The following ATP8A2 variants were observed in gnomAD, a reference collection of about 807,000 sequenced individuals.
The protein encoded by ATP8A2 is ATPase phospholipid transporting 8A2.
ATP8A2 carries 100 observed loss-of-function variants against 165.6 expected under a neutral mutation model. The ratio of observed to expected loss-of-function variants is 0.60; its 90% CI spans 0.51 to 0.71. The LOEUF (loss-of-function observed/expected upper bound fraction) is 0.71. Among genes scored for constraint, ATP8A2 ranks in the 30% least tolerant of loss-of-function variants. The probability of loss-of-function intolerance (pLI) is 0.00; values close to 1 mark genes in which losing one functional copy is unlikely to be tolerated. For missense variants in ATP8A2, 1,227 were observed against 1,479.5 expected (o/e 0.83, Z 2.80); for synonymous variants, 543 against 548.8 (o/e 0.99, Z 0.15).
At chr13:25,716,598 T>G (rs1402589093) in intron 25 of ATP8A2, among the ~76,000 whole-genome samples, 1 of 152,230 alleles carries the variant, frequency 6.6e-6, no homozygotes, top group African/African-American at 2.4e-5. Flanking sequence ...TGAGTGGTCT[T>G]GGCCAGATGT....
intron 24 of ATP8A2, among the ~76,000 whole-genome samples, chr13:25,596,017 A>G (rs1016300049): frequency 6.6e-6 from 1 of 152,184 alleles, no homozygotes; most frequent in Non-Finnish European, 1.5e-5. Context: ...TACAACCCAC[A>G]GAATTAACTT....
At position 26,021,541 on chromosome 13, in the gene ATP8A2, A is replaced by T. The variant is rs1212114195; in HGVS notation, c.*1556A>T. 6.6e-6 allele frequency: 1 copy of T among 152,266 alleles called. No individual in the cohort carries two copies. Among genetic ancestry groups the T allele is most frequent in the Non-Finnish European group, 1.5e-5 (1 of 68,074 alleles). 9.4% of individuals were successfully genotyped at this position (152,266 alleles called of 1,614,324 possible). A position where few individuals can be genotyped will look rare whatever the true frequency, so the allele number is the denominator to read the frequency against. ...CTGACTTTCCCAACTGCAGAGTCCC[A>T]CACTTAAATCTCAACAGAACCTAGA... On this transcript the variant is annotated 3_prime_UTR_variant, in exon 37 of 37. Transcript: ENST00000381655.
At chr13:25,934,416 C>T (rs190631602) in intron 33 of ATP8A2, among the ~76,000 whole-genome samples, 2 of 152,330 alleles carry the variant, frequency 1.3e-5, no homozygotes, top group East Asian at 1.9e-4. Flanking sequence ...TGATACAGAT[C>T]GCAAGGCACA....
chr13:25,672,895 A>G (rs1043240798), intron 24 of ATP8A2, among the ~76,000 whole-genome samples: 3 of 152,152 alleles, frequency 2.0e-5, no homozygotes, highest in Admixed American at 1.3e-4. Context: ...GCAATTACAG[A>G]GTGGGAGTGG....
At chr13:25,465,715 C>CTTTCT (rs1555274902) in intron 1 of ATP8A2, among the ~76,000 whole-genome samples, 21 of 42,344 alleles carry the variant, frequency 5.0e-4, no homozygotes, top group African/African-American at 9.1e-4. Flanking sequence ...TTCTTTCTTT[C>CTTTCT]TTTCTTTCTT....
At position 25,923,419 on chromosome 13, in the gene ATP8A2, C is replaced by G. The variant is rs545666847; in HGVS notation, c.3184-38156C>G. ...GAGGGCCAGGCTAAGTGCTAAGAGC[C>G]TGAAACGCACAGGTTGTGAAATCCT... On this transcript the variant is annotated intron_variant, in intron 33 of 36. Coordinates refer to ENST00000381655, the MANE Select transcript of ATP8A2 (RefSeq NM_016529.6). Among the ~76,000 whole-genome samples the G allele has an allele frequency of 7.2e-5, 11 of 152,336 alleles. 1 individual carries two copies. In the South Asian group the frequency reaches 2.1e-3, roughly 29 times the overall value.
In ATP8A2 at chr13:25,775,192, G is replaced by A. The variant is rs114695694; in HGVS notation, c.2679+233G>A. Among the ~76,000 whole-genome samples the A allele has an allele frequency of 3.1e-3, 476 of 152,202 alleles. 5 individuals are homozygous for A. The highest frequency in any genetic ancestry group is 0.01 in the African/African-American group (436 of 41,530). On this transcript the variant is annotated intron_variant, in intron 27 of 36. Coordinates refer to ENST00000381655, the MANE Select transcript of ATP8A2 (RefSeq NM_016529.6). ...CATCTGCAGCCTTTCTTACCTACCCGGACATGCCTTCCTCCTAGCTCTCCT... is the reference window on the plus strand; with the variant it reads ...CATCTGCAGCCTTTCTTACCTACCCAGACATGCCTTCCTCCTAGCTCTCCT...
intron 34 of ATP8A2, among the ~76,000 whole-genome samples, chr13:25,965,491 C>T (rs1409376316): frequency 6.6e-6 from 1 of 152,142 alleles, no homozygotes; most frequent in Non-Finnish European, 1.5e-5. Flanking sequence ...ACTAAGCTAC[C>T]TTTTATTAAA....
rs116243069 is a variant in ATP8A2 at position 25,630,146 on chromosome 13, T to C, written c.2211+40447T>C. ...GCCTCAAATTTTGTGTGCTTGCTTC[T>C]CATGTTTTATTTCTAAGTGAATTAG... On this transcript the variant is annotated intron_variant, in intron 24 of 36. Coordinates refer to ENST00000381655, the MANE Select transcript of ATP8A2 (RefSeq NM_016529.6). Among the ~76,000 whole-genome samples, 656 of 152,266 alleles carry C rather than the reference T, an allele frequency of 4.3e-3. 3 individuals are homozygous for C. Among genetic ancestry groups the C allele is most frequent in the African/African-American group, 0.015 (623 of 41,576 alleles).
intron 25 of ATP8A2, among the ~76,000 whole-genome samples, chr13:25,742,283 G>A (rs1361735189): frequency 6.6e-6 from 1 of 151,968 alleles, no homozygotes; most frequent in East Asian, 1.9e-4. Flanking sequence ...GGCCACTGTC[G>A]TATATGCAAA....
intron 33 of ATP8A2, among the ~76,000 whole-genome samples, chr13:25,877,063 A>G (rs1302498598): frequency 6.6e-6 from 1 of 151,988 alleles, no homozygotes. Context: ...TTTCCCCTCA[A>G]TGTTTTCAGT....
Position 25,551,368 on chromosome 13 carries a change from A to G in ATP8A2, c.922A>G (p.Asn308Asp), listed in dbSNP as rs1442702686. Residue 308 changes from asparagine to aspartate, a missense_variant, in exon 11 of 37, where the codon AAT becomes GAT. Physicochemically the swap from Asn to Asp is conservative, Grantham distance 23. Around this residue, in one of 5 missense-constraint regions of ATP8A2, gnomAD observed 356 missense variants for 394.9 expected, o/e 0.90. Transcript: ENST00000381655. Reference protein sequence around the residue: ...NSTKAPLKRSNVEKVTNVQIL... With the variant: ...NSTKAPLKRSDVEKVTNVQIL... ...AACCAAAGCGCCTCTCAAGAGATCAAATGTTGAGAAGGTGACTAACGTGCA... is the reference window on the plus strand; with the variant it reads ...AACCAAAGCGCCTCTCAAGAGATCAGATGTTGAGAAGGTGACTAACGTGCA... 1.5e-5 allele frequency: 24 copies of G among 1,613,942 alleles called. No individual in the cohort carries two copies. Among genetic ancestry groups the G allele is most frequent in the Non-Finnish European group, 1.9e-5 (22 of 1,179,986 alleles).
intron 1 of ATP8A2, among the ~76,000 whole-genome samples, chr13:25,438,691 A>T (rs1377540775): frequency 6.6e-6 from 1 of 152,098 alleles, no homozygotes; most frequent in Non-Finnish European, 1.5e-5. Context: ...AAAAGAAAAG[A>T]GAAAGAAAAG....
chr13:25,481,783 A>G (rs1438280773), intron 2 of ATP8A2, among the ~76,000 whole-genome samples: 1 of 152,168 alleles, frequency 6.6e-6, no homozygotes, highest in Non-Finnish European at 1.5e-5. Context: ...ATGTCCTCCC[A>G]GAACAGAGAG....
chr13:25,872,641 G>A (rs1231706470), intron 33 of ATP8A2, among the ~76,000 whole-genome samples: 1 of 152,130 alleles, frequency 6.6e-6, no homozygotes, highest in African/African-American at 2.4e-5. Context: ...AAGGAAATAG[G>A]AGCTTTTCTA....
intron 15 of ATP8A2, among the ~76,000 whole-genome samples, chr13:25,562,768 G>A (rs1254349575): frequency 1.3e-5 from 2 of 152,128 alleles, no homozygotes; most frequent in African/African-American, 4.8e-5. Context: ...CCTGGGCTCA[G>A]GACTACTCTG....
At chr13:25,814,569 C>T (rs1294018998) in intron 27 of ATP8A2, among the ~76,000 whole-genome samples, 1 of 147,246 alleles carries the variant, frequency 6.8e-6, no homozygotes, top group African/African-American at 2.5e-5. Context: ...GAAGTAAACC[C>T]TGGAATATGT....
At chr13:25,571,126 T>C (rs991314038) in intron 17 of ATP8A2, among the ~76,000 whole-genome samples, 1 of 152,112 alleles carries the variant, frequency 6.6e-6, no homozygotes, top group African/African-American at 2.4e-5. Flanking sequence ...GCAGAGGTGA[T>C]TGGGCTTGAC....
At chr13:25,449,967 T>A (rs149001369) in intron 1 of ATP8A2, among the ~76,000 whole-genome samples, 16 of 152,302 alleles carry the variant, frequency 1.1e-4, no homozygotes, top group African/African-American at 3.8e-4. Context: ...TTCCTGATCC[T>A]GTCTCTCCTC....
Sources: gnomAD v4.1 joint callset for allele counts (sites outside exome capture counted in the v4.1 genomes callset) on GRCh38, gnomAD v4.1.1 for gene constraint, gnomAD v4.1.1 regional missense constraint, MANE v1.5 for transcripts, NCBI Gene and HGNC (gene_info 2026-07-23, HGNC 2026-07-21) for gene names.